TMEM233: variants seen among roughly 807,000 people sequenced by gnomAD.
The protein encoded by TMEM233 is transmembrane protein 233.
A neutral mutation model predicts 11.2 loss-of-function variants in TMEM233; 6 were observed. The ratio of observed to expected loss-of-function variants is 0.54; its 90% CI spans 0.29 to 1.06. The LOEUF (loss-of-function observed/expected upper bound fraction) is 1.06, where lower values mean the gene tolerates loss of function less well. Among genes scored for constraint, TMEM233 ranks in the 50% least tolerant of loss-of-function variants. TMEM233 has a pLI of 0.08. For missense variants in TMEM233, 127 were observed against 144.7 expected (o/e 0.88, Z 0.63); for synonymous variants, 59 against 55.8 (o/e 1.06, Z -0.26).
rs1344850291 is a variant in TMEM233 at position 119,594,386 on chromosome 12, T to G, written c.186+352T>G. ...CCTTCCTAGGCACTTGCCCGGGGCT[T>G]CTCAACCCTCTTTTCTAGAGCCCCA... On this transcript the variant is annotated intron_variant, in intron 1 of 2. Coordinates refer to ENST00000426426, the MANE Select transcript of TMEM233 (RefSeq NM_001136534.3). This position sits in a 1 kb window ranked among gnomAD's most constrained non-coding sequence, Gnocchi z 5.6. The G allele has an allele frequency of 2.6e-5, 6 of 229,192 alleles. No homozygotes were observed. Among genetic ancestry groups the G allele is most frequent in the African/African-American group, 1.4e-4 (6 of 43,748 alleles). 14.2% of individuals were successfully genotyped at this position (229,192 alleles called of 1,614,324 possible).
intron 1 of TMEM233, among the ~76,000 whole-genome samples, chr12:119,626,270 G>A (rs555568341): frequency 2.6e-5 from 4 of 152,168 alleles, no homozygotes; most frequent in East Asian, 1.9e-4. Flanking sequence ...CTGGAAGTTC[G>A]AGACCAGCCT....
In TMEM233 at chr12:119,631,583, G is replaced by A. The variant is rs1187612873; in HGVS notation, c.323+1711G>A. On this transcript the variant is annotated intron_variant, in intron 2 of 2. Transcript: ENST00000426426. ...ATGTTGGCCCATGAAGAGGAAGATG[G>A]TTGGAGAATACACGTGAATGAACCT... 4 of 985,458 alleles carry A rather than the reference G, an allele frequency of 4.1e-6. No homozygotes were observed. In the East Asian group the frequency reaches 4.5e-4, roughly 112 times the overall value. The allele number at this position is 985,458 out of a possible 1,614,324, so 61.0% of individuals were successfully genotyped here.
chr12:119,614,768 A>G (rs1256330484), intron 1 of TMEM233, among the ~76,000 whole-genome samples: 1 of 152,218 alleles, frequency 6.6e-6, no homozygotes, highest in Non-Finnish European at 1.5e-5. Flanking sequence ...AATAGGGGAT[A>G]AGATTACTTC....
chr12:119,623,835 G>A (rs1305952415), intron 1 of TMEM233, among the ~76,000 whole-genome samples: 8 of 152,172 alleles, frequency 5.3e-5, no homozygotes, highest in East Asian at 1.9e-4. Context: ...TATTGCCCCC[G>A]ATTTACAGAT....
At position 119,641,947 on chromosome 12, in the gene TMEM233, T is replaced by C. The variant is rs1158261659; in HGVS notation, c.*1242T>C. Reference sequence around the variant, plus strand: ...CTGTCTAGATAGAATTTAATGATATTGTTTTGTGTCATGGTATTTATTTTA... The same window carrying C: ...CTGTCTAGATAGAATTTAATGATATCGTTTTGTGTCATGGTATTTATTTTA... On this transcript the variant is annotated 3_prime_UTR_variant, in exon 3 of 3. Transcript: ENST00000426426. The C allele has an allele frequency of 6.6e-6, 1 of 152,210 alleles. No homozygotes were observed. Among genetic ancestry groups the C allele is most frequent in the South Asian group, 2.1e-4 (1 of 4,836 alleles). The allele number at this position is 152,210 out of a possible 1,614,324, so 9.4% of individuals were successfully genotyped here.
chr12:119,629,103 C>A (rs1301971065), intron 1 of TMEM233, among the ~76,000 whole-genome samples: 3 of 152,184 alleles, frequency 2.0e-5, no homozygotes, highest in Non-Finnish European at 4.4e-5. Flanking sequence ...TTGCACTGGA[C>A]ACTGGTATGC....
chr12:119,641,499 T>C lies in TMEM233; in HGVS notation c.*794T>C, dbSNP rs1475346341. 6.6e-6 allele frequency: 1 copy of C among 152,162 alleles called. No homozygotes were observed. The highest frequency in any genetic ancestry group is 6.5e-5 in the Admixed American group (1 of 15,284). The allele number at this position is 152,162 out of a possible 1,614,324, so 9.4% of individuals were successfully genotyped here. ...GCTGTATTTATAGAATGTGCTTTTT[T>C]TTTTTCAATTTCTCACTCTCTCTCC... On this transcript the variant is annotated 3_prime_UTR_variant, in exon 3 of 3. Coordinates refer to ENST00000426426, the MANE Select transcript of TMEM233 (RefSeq NM_001136534.3).
Position 119,594,158 on chromosome 12 carries a change from T to C in TMEM233, c.186+124T>C. On this transcript the variant is annotated intron_variant, in intron 1 of 2. Transcript: ENST00000426426. The surrounding 1 kb of genome is among the most constrained non-coding windows in gnomAD (Gnocchi z 5.6). ...ACGGCCCGGCCCGCGCTAGGTGTTCTTTGTCCTCGCACCTCCTCCTCACCT... is the reference window on the plus strand; with the variant it reads ...ACGGCCCGGCCCGCGCTAGGTGTTCCTTGTCCTCGCACCTCCTCCTCACCT... The C allele has an allele frequency of 1.0e-6, 1 of 976,362 alleles. No homozygotes were observed. Among genetic ancestry groups the C allele is most frequent in the Non-Finnish European group, 1.5e-6 (1 of 666,426 alleles). The allele number at this position is 976,362 out of a possible 1,614,324, so 60.5% of individuals were successfully genotyped here. A position where few individuals can be genotyped will look rare whatever the true frequency, so the allele number is the denominator to read the frequency against.
the TMEM233 span, among the ~76,000 whole-genome samples, chr12:119,648,413 G>C: frequency 6.6e-6 from 1 of 152,158 alleles, no homozygotes; most frequent in African/African-American, 2.4e-5. Context: ...TGAGTGAAAG[G>C]TTCTTTTCCC....
downstream of TMEM233, among the ~76,000 whole-genome samples, chr12:119,645,675 C>T (rs961082174): frequency 1.3e-5 from 2 of 152,092 alleles, no homozygotes; most frequent in Admixed American, 6.5e-5. Context: ...AGTTTCATCT[C>T]GAGTACCTGT....
intron 1 of TMEM233, among the ~76,000 whole-genome samples, chr12:119,597,479 A>AAC (rs1461961764): frequency 8.5e-5 from 13 of 152,120 alleles, no homozygotes; most frequent in African/African-American, 3.1e-4. Flanking sequence ...TAAAAAAAAA[A>AAC]AGAGCCAACA....
At chr12:119,603,563 C>T (rs1359171513) in intron 1 of TMEM233, among the ~76,000 whole-genome samples, 1 of 152,198 alleles carries the variant, frequency 6.6e-6, no homozygotes, top group Non-Finnish European at 1.5e-5. Flanking sequence ...TGTTAAAATG[C>T]AGACTCCACT....
At position 119,629,852 on chromosome 12, in the gene TMEM233, T is replaced by G. The variant is rs777015322; in HGVS notation, c.303T>G (p.Cys101Trp). ...IIGLLIIGISCAVHFTRNA is the reference protein window; with the variant it reads ...IIGLLIIGISWAVHFTRNA ...GCCTTCTCATCATCGGCATTTCTTG[T>G]GCAGTTCACTTCACAAGGAAGTAAG... Residue 101 changes from cysteine to tryptophan, a missense_variant, in exon 2 of 3, where the codon TGT (cysteine) becomes TGG (tryptophan). By Grantham distance (215) the Cys-to-Trp change is radical. Coordinates refer to ENST00000426426, the MANE Select transcript of TMEM233 (RefSeq NM_001136534.3). The G allele has an allele frequency of 3.2e-6, 5 of 1,551,420 alleles. No homozygotes were observed. Among genetic ancestry groups the G allele is most frequent in the East Asian group, 4.9e-5 (2 of 40,920 alleles).
chr12:119,610,752 A>C (rs1213529984), intron 1 of TMEM233, among the ~76,000 whole-genome samples: 1 of 152,056 alleles, frequency 6.6e-6, no homozygotes, highest in African/African-American at 2.4e-5. Flanking sequence ...AGTCAATTAC[A>C]CCTCTTTTCT....
chr12:119,598,790 C>T (rs1057198379), intron 1 of TMEM233, among the ~76,000 whole-genome samples: 1 of 152,188 alleles, frequency 6.6e-6, no homozygotes, highest in African/African-American at 2.4e-5. Flanking sequence ...CTTTCTGAAG[C>T]TTGGTCTTTC....
At chr12:119,616,441 C>A (rs1954535251) in intron 1 of TMEM233, among the ~76,000 whole-genome samples, 1 of 152,242 alleles carries the variant, frequency 6.6e-6, no homozygotes, top group South Asian at 2.1e-4. Context: ...GAGACAGCAA[C>A]TGGCTGCTTA....
Position 119,594,427 on chromosome 12 carries a change from G to A in TMEM233, c.186+393G>A, listed in dbSNP as rs1953988513. ...TAGAGCCCCAGTGCGCGCCACCCTA[G>A]CGAGCGCAGTAAGCTCATACCCCGA... is the stretch of plus-strand genomic sequence containing the variant. On this transcript the variant is annotated intron_variant, in intron 1 of 2. Transcript: ENST00000426426. The surrounding 1 kb of genome is among the most constrained non-coding windows in gnomAD (Gnocchi z 5.6). 1 of 193,914 alleles carries A rather than the reference G, an allele frequency of 5.2e-6. No homozygotes were observed. Among genetic ancestry groups the A allele is most frequent in the Admixed American group, 5.5e-5 (1 of 18,244 alleles). The allele number at this position is 193,914 out of a possible 1,614,324, so 12.0% of individuals were successfully genotyped here. A position where few individuals can be genotyped will look rare whatever the true frequency, so the allele number is the denominator to read the frequency against.
chr12:119,651,716 A>C, the TMEM233 span, among the ~76,000 whole-genome samples: 8 of 151,044 alleles, frequency 5.3e-5, no homozygotes, highest in Admixed American at 1.3e-4. Flanking sequence ...AATCCCAGCT[A>C]CTCGGGAGGC....
At position 119,595,261 on chromosome 12, in the gene TMEM233, C is replaced by T. The variant is rs570293925; in HGVS notation, c.186+1227C>T. Reference sequence around the variant, plus strand: ...CCTTGCAGTTGCGCTCCCTCCCCCACCGGCTCACCTCGCCTGCAGCTGGGC... The same window carrying T: ...CCTTGCAGTTGCGCTCCCTCCCCCATCGGCTCACCTCGCCTGCAGCTGGGC... On this transcript the variant is annotated intron_variant, in intron 1 of 2. Coordinates refer to ENST00000426426, the MANE Select transcript of TMEM233 (RefSeq NM_001136534.3). This position sits in a 1 kb window ranked among gnomAD's most constrained non-coding sequence, Gnocchi z 4.3. 1.6e-4 allele frequency among the ~76,000 whole-genome samples: 25 copies of T among 152,364 alleles called. No individual in the cohort carries two copies. The highest frequency in any genetic ancestry group is 4.8e-4 in the African/African-American group (20 of 41,586).
Sources: allele counts gnomAD v4.1 joint callset (sites outside exome capture counted in the v4.1 genomes callset), GRCh38; gene constraint gnomAD v4.1.1; non-coding constraint Gnocchi (gnomAD v3.1); transcripts MANE v1.5; gene names NCBI Gene and HGNC (gene_info 2026-07-23, HGNC 2026-07-21).